Variants in SYT7 observed in about 807,000 individuals in gnomAD.
The protein encoded by SYT7 is synaptotagmin-7.
Under a neutral mutation model 75.1 loss-of-function variants are expected in SYT7, and 29 were observed. The ratio of observed to expected loss-of-function variants is 0.39; its 90% CI spans 0.29 to 0.53. The LOEUF (loss-of-function observed/expected upper bound fraction) is 0.53. Among genes scored for constraint, SYT7 ranks in the 20% least tolerant of loss-of-function variants. SYT7 has a pLI of 0.77. For missense variants in SYT7, 693 were observed against 953.2 expected, an observed-to-expected ratio of 0.73 and a Z score of 3.59; for synonymous variants, 376 against 401.7, an observed-to-expected ratio of 0.94 and a Z score of 0.76.
chr11:61,583,117 C>G (rs1464557114), upstream of SYT7, among the ~76,000 whole-genome samples: 4 of 151,972 alleles, frequency 2.6e-5, no homozygotes, highest in Non-Finnish European at 5.9e-5. Flanking sequence ...GTCTCAGCTA[C>G]TCGGGAGGCT....
chr11:61,520,745 C>T (rs1256173693), intron 12 of SYT7, among the ~76,000 whole-genome samples: 2 of 152,170 alleles, frequency 1.3e-5, no homozygotes, highest in Non-Finnish European at 2.9e-5. Context: ...ATCGCTTGAA[C>T]CCAGGAGGCA....
At chr11:61,569,896 C>G (rs1480198725) in intron 1 of SYT7, among the ~76,000 whole-genome samples, 1 of 152,222 alleles carries the variant, frequency 6.6e-6, no homozygotes, top group Non-Finnish European at 1.5e-5. Context: ...TGCACACCCT[C>G]CTACGCAGCC....
At chr11:61,581,101 G>A (rs2135480852), upstream of SYT7, 3 of 252,748 alleles carry the variant, frequency 1.2e-5, no homozygotes, top group East Asian at 3.6e-4. Context: ...GTGTGTGTAC[G>A]AGGCCGTGTG....
intron 8 of SYT7, among the ~76,000 whole-genome samples, chr11:61,529,608 G>A (rs2062641352): frequency 6.6e-6 from 1 of 152,214 alleles, no homozygotes; most frequent in East Asian, 1.9e-4. Flanking sequence ...ACCGTGCCAG[G>A]TGAAAAGCGT....
upstream of SYT7, among the ~76,000 whole-genome samples, chr11:61,584,584 A>C (rs1336049901): frequency 2.0e-5 from 3 of 152,186 alleles, no homozygotes; most frequent in Non-Finnish European, 4.4e-5. Flanking sequence ...ATTCTGCTGC[A>C]TTAGAAGGCT....
chr11:61,587,846 G>C, the SYT7 span, among the ~76,000 whole-genome samples: 1 of 152,104 alleles, frequency 6.6e-6, no homozygotes, highest in African/African-American at 2.4e-5. Context: ...CGGAGCCCGC[G>C]TGAGCAGACA....
At chr11:61,534,160 GAGGCTCAGGAC>G (rs2062794439) in intron 7 of SYT7, among the ~76,000 whole-genome samples, 1 of 152,214 alleles carries the variant, frequency 6.6e-6, no homozygotes, top group African/African-American at 2.4e-5. Context: ...CCAGTAGCAT[GAGGCTCAGGAC>G]AGGCTAAAAT....
intron 7 of SYT7, among the ~76,000 whole-genome samples, chr11:61,534,918 T>A (rs2062823221): frequency 6.6e-6 from 1 of 151,966 alleles, no homozygotes; most frequent in African/African-American, 2.4e-5. Flanking sequence ...CCGAAACAGC[T>A]GGAGAGGTAA....
intron 1 of SYT7, among the ~76,000 whole-genome samples, chr11:61,573,937 G>A (rs555081371): frequency 6.6e-6 from 1 of 152,358 alleles, no homozygotes; most frequent in Admixed American, 6.5e-5. Flanking sequence ...ACTTCCCAAG[G>A]TGGTTCTGAG....
chr11:61,554,427 G>C (rs1481444636), intron 2 of SYT7, among the ~76,000 whole-genome samples: 1 of 151,862 alleles, frequency 6.6e-6, no homozygotes, highest in Admixed American at 6.6e-5. Flanking sequence ...GGGGTGAACG[G>C]ACACGCACAG....
chr11:61,586,135 C>T (rs1173427009), upstream of SYT7, among the ~76,000 whole-genome samples: 2 of 152,212 alleles, frequency 1.3e-5, no homozygotes, highest in African/African-American at 4.8e-5. Flanking sequence ...TGTCCTCCCA[C>T]ACCCCTTCAC....
chr11:61,549,972 C>T (rs2063301937), intron 3 of SYT7, among the ~76,000 whole-genome samples: 1 of 152,242 alleles, frequency 6.6e-6, no homozygotes, highest in Non-Finnish European at 1.5e-5. Context: ...CAGCCCTGGC[C>T]CGCGGCTGTA....
intron 1 of SYT7, 86 bp from the exon 2 acceptor site, chr11:61,556,293 T>G: frequency 2.8e-6 from 3 of 1,089,876 alleles, no homozygotes; most frequent in Non-Finnish European, 4.0e-6. Context: ...ACCACCACCC[T>G]ACCCTCCATC....
At chr11:61,525,721 C>T (rs2062494569) in intron 9 of SYT7, 1 of 152,222 alleles carries the variant, frequency 6.6e-6, no homozygotes. Flanking sequence ...GTGCCTAACA[C>T]CGCTTCTGGC....
chr11:61,549,554 A>T (rs1242227864), intron 3 of SYT7, among the ~76,000 whole-genome samples: 1 of 152,242 alleles, frequency 6.6e-6, no homozygotes, highest in Non-Finnish European at 1.5e-5. Flanking sequence ...GGGGGTCCTA[A>T]GCCCATGAAG....
At position 61,580,679 on chromosome 11, in the gene SYT7, G is replaced by A. The variant is rs987872981; in HGVS notation, c.31+111C>T. 1.1e-5 allele frequency: 8 copies of A among 713,090 alleles called. No homozygotes were observed. The highest frequency in any genetic ancestry group is 1.5e-5 in the Non-Finnish European group (8 of 527,096). 44.2% of individuals were successfully genotyped at this position (713,090 alleles called of 1,614,324 possible). A position where few individuals can be genotyped will look rare whatever the true frequency, so the allele number is the denominator to read the frequency against. ...TGGGATGACCCCTGGGGGAGCCCGT[G>A]CGGCTCCGGGCGGACAACAGCCCCA... On this transcript the variant is annotated intron_variant, in intron 1 of 12. Transcript: ENST00000539008. This position sits in a 1 kb window ranked among gnomAD's most constrained non-coding sequence, Gnocchi z 6.1.
intron 8 of SYT7, chr11:61,531,174 C>G (rs778810434): frequency 6.1e-6 from 6 of 978,268 alleles, no homozygotes; most frequent in Non-Finnish European, 7.3e-6. Context: ...CATCAACGAC[C>G]TAGCATTGGC....
Position 61,523,989 on chromosome 11 carries a change from C to T in SYT7, c.1642-48G>A, listed in dbSNP as rs749849618. On this transcript the variant is annotated intron_variant, in intron 10 of 12. Coordinates refer to ENST00000539008, the MANE Select transcript of SYT7 (RefSeq NM_001365809.2). This position sits in a 1 kb window ranked among gnomAD's most constrained non-coding sequence, Gnocchi z 5.0. Reference sequence around the variant, plus strand: ...TGTGGGGAACTAGGCTAGCAGAGCTCTCTGATTGGCCTAGCTGCCCCCAGG... The same window carrying T: ...TGTGGGGAACTAGGCTAGCAGAGCTTTCTGATTGGCCTAGCTGCCCCCAGG... 18 of 1,563,864 alleles carry T rather than the reference C, an allele frequency of 1.2e-5. No individual in the cohort carries two copies. Among genetic ancestry groups the T allele is most frequent in the Non-Finnish European group, 1.2e-5 (14 of 1,135,318 alleles).
At chr11:61,587,049 C>A in the SYT7 span, among the ~76,000 whole-genome samples, 1 of 152,172 alleles carries the variant, frequency 6.6e-6, no homozygotes, top group Non-Finnish European at 1.5e-5. Flanking sequence ...CCCCTCCCCC[C>A]ACATGATTAG....
Sources: gnomAD v4.1 joint callset for allele counts (sites outside exome capture counted in the v4.1 genomes callset) on GRCh38, gnomAD v4.1.1 for gene constraint, Gnocchi (gnomAD v3.1) non-coding constraint, MANE v1.5 for transcripts, NCBI Gene and HGNC (gene_info 2026-07-23, HGNC 2026-07-21) for gene names.